APBB2: variants seen among roughly 807,000 people sequenced by gnomAD.
APBB2 encodes amyloid beta precursor protein binding family B member 2.
A neutral mutation model predicts 82.5 loss-of-function variants in APBB2; 38 were observed. The ratio of observed to expected loss-of-function variants is 0.46; its 90% CI spans 0.36 to 0.60. The LOEUF (loss-of-function observed/expected upper bound fraction) is 0.60, where lower values mean the gene tolerates loss of function less well. Among genes scored for constraint, APBB2 ranks in the 20% least tolerant of loss-of-function variants. The pLI, the probability that APBB2 is intolerant of heterozygous loss-of-function variation, is 0.00. For synonymous variants in APBB2, 341 were observed against 368.2 expected, an observed-to-expected ratio of 0.93 and a Z score of 0.85; for missense variants, 772 against 972.3, an observed-to-expected ratio of 0.79 and a Z score of 2.74.
intron 6 of APBB2, among the ~76,000 whole-genome samples, chr4:40,969,604 C>T (rs1395218745): frequency 1.3e-5 from 2 of 152,128 alleles, no homozygotes; most frequent in Non-Finnish European, 2.9e-5. Flanking sequence ...TTCTGCATCC[C>T]CATTTAATTT....
chr4:41,024,912 A>C (rs1023027002), intron 5 of APBB2, among the ~76,000 whole-genome samples: 21 of 152,202 alleles, frequency 1.4e-4, no homozygotes, highest in Non-Finnish European at 2.5e-4. Context: ...TGAGTTATGA[A>C]CCTGTCACAA....
At chr4:40,986,921 A>T (rs908573111) in intron 6 of APBB2, among the ~76,000 whole-genome samples, 1 of 152,198 alleles carries the variant, frequency 6.6e-6, no homozygotes, top group African/African-American at 2.4e-5. Context: ...GTACGACAGG[A>T]ATGGGGGAAA....
At chr4:40,991,942 T>C (rs1239888106) in intron 6 of APBB2, among the ~76,000 whole-genome samples, 1 of 152,028 alleles carries the variant, frequency 6.6e-6, no homozygotes, top group Non-Finnish European at 1.5e-5. Context: ...TGTTCTACAA[T>C]CAGAACACTG....
rs1008960438 is a variant in APBB2, at chr4:40,890,191, G to C, written c.1529+173C>G. ...GATACAGAAACCAGGAAGGGAAGCA[G>C]TTTGAAGTCTTTAAGAGGCAGGGAA... On this transcript the variant is annotated intron_variant, in intron 12 of 17. Transcript: ENST00000508593. 7.4e-6 allele frequency: 6 copies of C among 806,340 alleles called. No individual in the cohort carries two copies. The Admixed American group carries it at 1.8e-4, about 24-fold the overall frequency. The allele number at this position is 806,340 out of a possible 1,614,324, so 49.9% of individuals were successfully genotyped here.
At chr4:41,029,882 C>T (rs917773619) in intron 5 of APBB2, among the ~76,000 whole-genome samples, 2 of 152,050 alleles carry the variant, frequency 1.3e-5, no homozygotes, top group African/African-American at 4.8e-5. Context: ...GCTGGCTGGG[C>T]GCGGTGGTTC....
At chr4:40,917,264 C>G (rs1186719762) in intron 10 of APBB2, among the ~76,000 whole-genome samples, 2 of 152,172 alleles carry the variant, frequency 1.3e-5, no homozygotes, top group Non-Finnish European at 2.9e-5. Context: ...CCCCAGCTAG[C>G]CCCAGAACCT....
intron 3 of APBB2, among the ~76,000 whole-genome samples, chr4:41,081,904 A>T (rs1007855661): frequency 1.6e-4 from 24 of 152,362 alleles, no homozygotes; most frequent in Admixed American, 9.1e-4. Context: ...AAAAAACTAC[A>T]ATTAAAAGCA....
intron 10 of APBB2, among the ~76,000 whole-genome samples, chr4:40,926,341 GT>G (rs949440383): frequency 1.3e-5 from 2 of 152,208 alleles, no homozygotes; most frequent in Non-Finnish European, 2.9e-5. Flanking sequence ...TGGACCACAA[GT>G]CTGGATGAGG....
intron 2 of APBB2, among the ~76,000 whole-genome samples, chr4:41,113,018 G>C (rs1445445182): frequency 6.6e-6 from 1 of 152,054 alleles, no homozygotes; most frequent in Non-Finnish European, 1.5e-5. Context: ...TCATATCTGT[G>C]AAGGTTAGAC....
intron 2 of APBB2, among the ~76,000 whole-genome samples, chr4:41,140,410 A>G (rs575489708): frequency 7.2e-5 from 11 of 152,340 alleles, no homozygotes; most frequent in African/African-American, 2.6e-4. Flanking sequence ...ATGTTTTTTA[A>G]TGTTCCTAAG....
At chr4:41,141,757 G>A (rs1293293873) in intron 2 of APBB2, among the ~76,000 whole-genome samples, 1 of 152,074 alleles carries the variant, frequency 6.6e-6, no homozygotes, top group African/African-American at 2.4e-5. Context: ...GATGCCAGCA[G>A]GCAAAAAAAG....
intron 17 of APBB2, among the ~76,000 whole-genome samples, chr4:40,821,397 T>G (rs567967711): frequency 6.6e-6 from 1 of 152,142 alleles, no homozygotes. Context: ...TATTTTCTCA[T>G]AAATAAAACA....
intron 5 of APBB2, among the ~76,000 whole-genome samples, chr4:41,024,017 G>C (rs1193177919): frequency 6.6e-6 from 1 of 152,128 alleles, no homozygotes; most frequent in Non-Finnish European, 1.5e-5. Context: ...AGAGAGCCCA[G>C]AAATAAAGCC....
At chr4:41,010,275 C>T (rs1175155170) in intron 6 of APBB2, among the ~76,000 whole-genome samples, 1 of 152,098 alleles carries the variant, frequency 6.6e-6, no homozygotes, top group Non-Finnish European at 1.5e-5. Context: ...TACATTTTTT[C>T]GAGCATATTT....
intron 4 of APBB2, among the ~76,000 whole-genome samples, chr4:41,043,729 T>C (rs1009549351): frequency 6.8e-6 from 1 of 146,222 alleles, no homozygotes. Context: ...TTTATGATTC[T>C]GTTACCCGAG....
intron 6 of APBB2, among the ~76,000 whole-genome samples, chr4:40,952,330 GCTGA>G (rs1234101027): frequency 2.0e-5 from 3 of 152,018 alleles, no homozygotes; most frequent in Non-Finnish European, 4.4e-5. Flanking sequence ...CACCTGCCTT[GCTGA>G]CTGTCTTCCT....
chr4:41,048,235 A>T (rs528428994), intron 4 of APBB2, among the ~76,000 whole-genome samples: 4 of 152,320 alleles, frequency 2.6e-5, no homozygotes, highest in African/African-American at 9.6e-5. Flanking sequence ...CAAAAGTTTA[A>T]ATTTTGGAGC....
chr4:40,944,766 C>T, intron 7 of APBB2, 99 bp downstream of exon 7: 2 of 1,177,026 alleles, frequency 1.7e-6, no homozygotes, highest in South Asian at 1.3e-5. Flanking sequence ...AATCAAAAAG[C>T]TTACCTTGAT....
chr4:40,842,787 G>A (rs1335919895), intron 12 of APBB2, among the ~76,000 whole-genome samples: 3 of 152,052 alleles, frequency 2.0e-5, no homozygotes, highest in East Asian at 3.9e-4. Flanking sequence ...CTGTTTTACC[G>A]ACATTCCTGA....
Sources: allele counts gnomAD v4.1 joint callset (sites outside exome capture counted in the v4.1 genomes callset), GRCh38; gene constraint gnomAD v4.1.1; transcripts MANE v1.5; gene names NCBI Gene and HGNC (gene_info 2026-07-23, HGNC 2026-07-21).